Variants in KANK2 observed in about 807,000 individuals in gnomAD.
KANK2 encodes the protein KN motif and ankyrin repeat domains 2, also known as KN motif and ankyrin repeat domain-containing protein 2.
A neutral mutation model predicts 74.6 loss-of-function variants in KANK2; 41 were observed. That is an observed-to-expected ratio of 0.55 (90% CI 0.43 to 0.71). The LOEUF is 0.71. Ranked by LOEUF, KANK2 falls within the 30% of genes least tolerant of loss-of-function variation. The pLI is 0.00. For synonymous variants in KANK2, 537 were observed against 519.0 expected (o/e 1.03, Z -0.47); for missense variants, 1,148 against 1,196.4 (o/e 0.96, Z 0.60).
At chr19:11,192,755 G>T in intron 4 of KANK2, 76 bp downstream of exon 4, 1 of 1,559,696 alleles carries the variant, frequency 6.4e-7, no homozygotes, top group Non-Finnish European at 8.8e-7. Context: ...CGTTCTGAGA[G>T]TCCAGGATGA....
chr19:11,183,764 C>T (rs751781638), intron 4 of KANK2, among the ~76,000 whole-genome samples: 2 of 152,104 alleles, frequency 1.3e-5, no homozygotes, highest in Non-Finnish European at 2.9e-5. Context: ...GATTCTCCTG[C>T]CTCAGCCTCC....
rs2078937576 is a variant in KANK2, at chr19:11,193,885, C to A, written c.195G>T (p.Gln65His). The A allele has an allele frequency of 6.2e-7, 1 of 1,613,596 alleles. No individual in the cohort carries two copies. The highest frequency in any genetic ancestry group is 8.5e-7 in the Non-Finnish European group (1 of 1,179,930). The part of the protein sequence containing the change: ...KGHTLRRVAV[Q>H]RRPRLSSLPR... ...GCAGCGAGCTCAGGCGGGGGCGGCG[C>A]TGCACTGCCACGCGTCGCAGCGTGT... The change falls in exon 4 of 13, where the codon CAG becomes CAT. Residue 65 changes from glutamine (Q) to histidine (H), a missense_variant. By Grantham distance (24) the Gln-to-His change is conservative. Coordinates refer to ENST00000586659, the MANE Select transcript of KANK2 (RefSeq NM_001136191.3). The surrounding 1 kb of genome is among the most constrained non-coding windows in gnomAD (Gnocchi z 9.6).
chr19:11,181,940 C>T (rs1167821014), intron 4 of KANK2, among the ~76,000 whole-genome samples: 4 of 119,566 alleles, frequency 3.3e-5, no homozygotes, highest in African/African-American at 6.6e-5. Context: ...TTTTTTGAGA[C>T]GGAGTCTTGC....
At chr19:11,194,670 C>T in intron 2 of KANK2, 80 bp from the exon 3 acceptor site, 1 of 604,768 alleles carries the variant, frequency 1.7e-6, no homozygotes, top group Non-Finnish European at 3.0e-6. Flanking sequence ...CCCTCCACAG[C>T]TGGTTCACCC....
intron 12 of KANK2, among the ~76,000 whole-genome samples, chr19:11,168,252 C>T (rs1305080849): frequency 6.6e-6 from 1 of 151,946 alleles, no homozygotes; most frequent in Non-Finnish European, 1.5e-5. Context: ...CATCCGCCCA[C>T]CTTGGCCTCC....
At chr19:11,185,551 G>GA (rs2078651597) in intron 4 of KANK2, among the ~76,000 whole-genome samples, 1 of 149,826 alleles carries the variant, frequency 6.7e-6, no homozygotes, top group Non-Finnish European at 1.5e-5. Flanking sequence ...GTGGGTTGTA[G>GA]AAAAACAGGT....
intron 12 of KANK2, among the ~76,000 whole-genome samples, chr19:11,169,381 G>A (rs973986559): frequency 3.3e-5 from 5 of 152,052 alleles, no homozygotes; most frequent in Non-Finnish European, 5.9e-5. Flanking sequence ...GGTGACGTGC[G>A]CCTGTAGTCC....
At chr19:11,175,040 C>CGT (rs1434813228) in intron 8 of KANK2, among the ~76,000 whole-genome samples, 1 of 151,712 alleles carries the variant, frequency 6.6e-6, no homozygotes, top group Non-Finnish European at 1.5e-5. Context: ...TCACTGCAGC[C>CGT]TCAACCTCCT....
In KANK2 at chr19:11,193,971, G is replaced by C; in HGVS notation, c.109C>G (p.Pro37Ala). 2 of 1,614,066 alleles carry C rather than the reference G, an allele frequency of 1.2e-6. No homozygotes were observed. Among genetic ancestry groups the C allele is most frequent in the Non-Finnish European group, 1.7e-6 (2 of 1,179,988 alleles). Residue 37 changes from proline (P) to alanine (A), a missense_variant, in exon 4 of 13, where the codon CCC becomes GCC. Physicochemically the swap from Pro to Ala is conservative, Grantham distance 27 (BLOSUM62 -1). Coordinates refer to ENST00000586659, the MANE Select transcript of KANK2 (RefSeq NM_001136191.3). This position sits in a 1 kb window ranked among gnomAD's most constrained non-coding sequence, Gnocchi z 9.6. ...DPDPPYSVET[P>A]YGYRLDLDFL... is the part of the protein sequence containing the mutation. ...TCCAGGTCCAGGCGGTAGCCATAGG[G>C]GGTCTCCACGGAGTAGGGTGGATCG...
In KANK2 at chr19:11,165,797, T is replaced by TCTTGC; in HGVS notation, c.*756_*760dup. The TCTTGC allele has an allele frequency of 6.6e-6, 1 of 152,252 alleles. No homozygotes were observed. Among genetic ancestry groups the TCTTGC allele is most frequent in the Non-Finnish European group, 1.5e-5 (1 of 68,100 alleles). 9.4% of individuals were successfully genotyped at this position (152,252 alleles called of 1,614,324 possible). A position where few individuals can be genotyped will look rare whatever the true frequency, so the allele number is the denominator to read the frequency against. Reference sequence around the variant, plus strand: ...TTAACGTCTAGGCTCAAGCTCAAGCTCTTGCCTTGCCCTCCCAAAGTGCTG... The same window carrying TCTTGC: ...TTAACGTCTAGGCTCAAGCTCAAGCTCTTGCCTTGCCTTGCCCTCCCAAAGTGCTG... On this transcript the variant is annotated 3_prime_UTR_variant, in exon 13 of 13. Transcript: ENST00000586659.
intron 4 of KANK2, among the ~76,000 whole-genome samples, chr19:11,183,582 C>T (rs1011315602): frequency 6.6e-5 from 10 of 152,068 alleles, no homozygotes; most frequent in Non-Finnish European, 1.0e-4. Context: ...TCGAACTCCT[C>T]GGCTCAAGTG....
intron 4 of KANK2, among the ~76,000 whole-genome samples, chr19:11,187,697 T>C (rs1410814986): frequency 6.6e-6 from 1 of 152,236 alleles, no homozygotes; most frequent in South Asian, 2.1e-4. Context: ...TGTCTACGGC[T>C]GCTTTTGCAA....
Position 11,193,384 on chromosome 19 carries a change from G to A in KANK2, c.696C>T (p.Ser232=). 1 of 1,612,912 alleles carries A rather than the reference G, an allele frequency of 6.2e-7. No individual in the cohort carries two copies. The highest frequency in any genetic ancestry group is 8.5e-7 in the Non-Finnish European group (1 of 1,179,986). ...EKRQLTVQLK[S]QKFLGHPTAG... ...CTGTGGGGTGGCCCAGGAACTTCTG[G>A]CTCTTAAGTTGTACTGTGAGCTGCC... The change falls in exon 4 of 13, where the codon AGC becomes AGT. Residue 232 remains serine (S), a synonymous_variant. Coordinates refer to ENST00000586659, the MANE Select transcript of KANK2 (RefSeq NM_001136191.3). This position sits in a 1 kb window ranked among gnomAD's most constrained non-coding sequence, Gnocchi z 9.6.
rs968247245 is a variant in KANK2 at position 11,165,686 on chromosome 19, T to G, written c.*872A>C. ...TCCAGGGCTCAGCCTCCCAAGTAGCTGGGACTACAGGCGCGCACCACCACG... is the reference window on the plus strand; with the variant it reads ...TCCAGGGCTCAGCCTCCCAAGTAGCGGGGACTACAGGCGCGCACCACCACG... On this transcript the variant is annotated 3_prime_UTR_variant, in exon 13 of 13. Transcript: ENST00000586659. 3 of 152,384 alleles carry G rather than the reference T, an allele frequency of 2.0e-5. No individual in the cohort carries two copies. The highest frequency in any genetic ancestry group is 4.4e-5 in the Non-Finnish European group (3 of 68,258). The allele number at this position is 152,384 out of a possible 1,614,324, so 9.4% of individuals were successfully genotyped here. A position where few individuals can be genotyped will look rare whatever the true frequency, so the allele number is the denominator to read the frequency against.
chr19:11,186,159 G>A (rs74179973), intron 4 of KANK2, among the ~76,000 whole-genome samples: 10,019 of 152,202 alleles, frequency 0.066, 377 homozygotes, highest in Admixed American at 0.09. Context: ...AGGCCAAGGC[G>A]GGTGGATCAC....
rs560950677 is a variant in KANK2, at chr19:11,186,743, T to C, written c.1249+6088A>G. ...TTAGAAAGACAGATAAAGCCATATG[T>C]TGGTGAGGATATGAGAAAATGGACA... On this transcript the variant is annotated intron_variant, in intron 4 of 12. Transcript: ENST00000586659. 2.0e-5 allele frequency among the ~76,000 whole-genome samples: 3 copies of C among 152,002 alleles called. No individual in the cohort carries two copies. In the South Asian group the frequency reaches 6.2e-4, roughly 32 times the overall value.
chr19:11,168,164 G>A (rs756951267), intron 12 of KANK2, among the ~76,000 whole-genome samples: 23 of 151,646 alleles, frequency 1.5e-4, no homozygotes, highest in African/African-American at 5.3e-4. Context: ...CACCACACCC[G>A]GCTAATATTT....
intron 4 of KANK2, among the ~76,000 whole-genome samples, chr19:11,183,451 G>A (rs1019949827): frequency 6.6e-6 from 1 of 152,154 alleles, no homozygotes; most frequent in African/African-American, 2.4e-5. Context: ...AGATAATGTA[G>A]CAGACTATCA....
chr19:11,188,842 G>A lies in KANK2; in HGVS notation c.1249+3989C>T, dbSNP rs949592141. On this transcript the variant is annotated intron_variant, in intron 4 of 12. Coordinates refer to ENST00000586659, the MANE Select transcript of KANK2 (RefSeq NM_001136191.3). Reference sequence around the variant, plus strand: ...ACTAAAAGTACAAGAAAATTAGCTGGGTGTGGTGGTGGGTGCCTGTAATCC... The same window carrying A: ...ACTAAAAGTACAAGAAAATTAGCTGAGTGTGGTGGTGGGTGCCTGTAATCC... Among the ~76,000 whole-genome samples, 9 of 151,948 alleles carry A rather than the reference G, an allele frequency of 5.9e-5. 1 individual carries two copies. Among genetic ancestry groups the A allele is most frequent in the Admixed American group, 4.6e-4 (7 of 15,226 alleles).
Sources: gnomAD v4.1 joint callset for allele counts (sites outside exome capture counted in the v4.1 genomes callset) on GRCh38, gnomAD v4.1.1 for gene constraint, Gnocchi (gnomAD v3.1) non-coding constraint, MANE v1.5 for transcripts, NCBI Gene and HGNC (gene_info 2026-07-23, HGNC 2026-07-21) for gene names.